Variants in CDC42BPA observed in about 807,000 individuals in gnomAD.
CDC42BPA encodes serine/threonine-protein kinase MRCK alpha.
CDC42BPA carries 80 observed loss-of-function variants against 223.5 expected under a neutral mutation model. That is an observed-to-expected ratio of 0.36 (90% CI 0.30 to 0.43). The LOEUF (loss-of-function observed/expected upper bound fraction) is 0.43. Ranked by LOEUF, CDC42BPA falls within the 20% of genes least tolerant of loss-of-function variation. The probability of loss-of-function intolerance (pLI) is 1.00; values close to 1 mark genes in which losing one functional copy is unlikely to be tolerated. For missense variants in CDC42BPA, 1,743 were observed against 2,099.9 expected, an observed-to-expected ratio of 0.83 and a Z score of 3.32; for synonymous variants, 694 against 718.6, an observed-to-expected ratio of 0.97 and a Z score of 0.55.
intron 5 of CDC42BPA, among the ~76,000 whole-genome samples, chr1:227,164,624 C>G (rs1664700672): frequency 6.6e-6 from 1 of 152,188 alleles, no homozygotes; most frequent in Admixed American, 6.5e-5. Flanking sequence ...CATGATCATG[C>G]CACTGCACTT....
intron 2 of CDC42BPA, 50 bp from the exon 3 acceptor site, chr1:227,213,269 T>C (rs1674252648): frequency 3.1e-6 from 3 of 979,546 alleles, no homozygotes; most frequent in Non-Finnish European, 4.6e-6. Flanking sequence ...CAAATAATTT[T>C]TTCAGCCATC....
At chr1:227,203,660 A>G (rs950379849) in intron 3 of CDC42BPA, among the ~76,000 whole-genome samples, 1 of 152,198 alleles carries the variant, frequency 6.6e-6, no homozygotes, top group African/African-American at 2.4e-5. Flanking sequence ...ACTGTAGATC[A>G]TATCACTTCC....
chr1:227,253,181 A>AAGAG, intron 2 of CDC42BPA, among the ~76,000 whole-genome samples: 1 of 151,474 alleles, frequency 6.6e-6, no homozygotes, highest in African/African-American at 2.4e-5. Context: ...TCCTGGAAAA[A>AAGAG]AGAGAGAGAG....
chr1:227,142,741 T>A (rs1659921277), intron 9 of CDC42BPA, among the ~76,000 whole-genome samples: 1 of 152,112 alleles, frequency 6.6e-6, no homozygotes, highest in Admixed American at 6.5e-5. Context: ...TGCCTCGGCC[T>A]CCCGAGTAGC....
In CDC42BPA at chr1:227,016,978, T is replaced by C; in HGVS notation, c.4688A>G (p.Lys1563Arg). 6.2e-7 allele frequency: 1 copy of C among 1,613,732 alleles called. No individual in the cohort carries two copies. The highest frequency in any genetic ancestry group is 8.5e-7 in the Non-Finnish European group (1 of 1,179,756). Residue 1563 changes from lysine (K) to arginine (R), a missense_variant, in exon 33 of 37, where the codon AAG (lysine) becomes AGG (arginine). By Grantham distance (26) the Lys-to-Arg change is conservative. This residue lies in a region of CDC42BPA where 44 missense variants were observed against 81.0 expected (regional missense o/e 0.54). Transcript: ENST00000366766. The stretch of plus-strand genomic sequence containing the variant: ...TGGGACTCTGAAGGAATAACGCCGC[T>C]TATTGTTAATGTTTCTAACCATTTG... ...RKQMVRNINN[K>R]RRYSFRVPEE...
chr1:227,051,120 CA>C (rs1413873678), intron 22 of CDC42BPA, among the ~76,000 whole-genome samples: 7 of 152,330 alleles, frequency 4.6e-5, no homozygotes, highest in African/African-American at 1.7e-4. Context: ...TACAACCTCA[CA>C]CTTCACTTCA....
intron 14 of CDC42BPA, among the ~76,000 whole-genome samples, chr1:227,108,914 A>C (rs1181196732): frequency 1.3e-5 from 2 of 152,148 alleles, no homozygotes; most frequent in Admixed American, 1.3e-4. Flanking sequence ...CCAGGTTACA[A>C]ACCTGTACAG....
At chr1:227,307,753 T>G (rs545735281) in intron 1 of CDC42BPA, among the ~76,000 whole-genome samples, 1 of 152,332 alleles carries the variant, frequency 6.6e-6, no homozygotes, top group East Asian at 1.9e-4. Flanking sequence ...CACAAATACA[T>G]TTACGGGTGC....
At chr1:227,075,126 A>G (rs1436967678) in intron 17 of CDC42BPA, among the ~76,000 whole-genome samples, 1 of 152,192 alleles carries the variant, frequency 6.6e-6, no homozygotes, top group East Asian at 1.9e-4. Flanking sequence ...AGGAAGAATG[A>G]AAACCACTGG....
At chr1:227,084,739 G>T (rs932472411) in intron 16 of CDC42BPA, among the ~76,000 whole-genome samples, 2 of 151,958 alleles carry the variant, frequency 1.3e-5, no homozygotes, top group African/African-American at 4.8e-5. Context: ...TCTATTTACA[G>T]GTTTTTAGGG....
At chr1:227,001,997 C>T (rs909638638) in intron 35 of CDC42BPA, among the ~76,000 whole-genome samples, 4 of 152,066 alleles carry the variant, frequency 2.6e-5, no homozygotes, top group Non-Finnish European at 4.4e-5. Flanking sequence ...TCCTGGAGGC[C>T]GATTTTAGGC....
chr1:227,052,345 T>C (rs17602169), intron 21 of CDC42BPA, among the ~76,000 whole-genome samples: 21,500 of 152,144 alleles, frequency 0.14, 1,911 homozygotes, highest in South Asian at 0.34. Flanking sequence ...TTAATAGAGA[T>C]ACATACGGCA....
intron 5 of CDC42BPA, among the ~76,000 whole-genome samples, chr1:227,181,707 A>AAT (rs1316630085): frequency 6.6e-6 from 1 of 152,192 alleles, no homozygotes; most frequent in Non-Finnish European, 1.5e-5. Flanking sequence ...AAATAGCTAG[A>AAT]ATATCAGGAA....
intron 4 of CDC42BPA, among the ~76,000 whole-genome samples, chr1:227,196,338 C>CTT (rs34352900): frequency 0.2 from 18,559 of 91,094 alleles, 3,526 homozygotes; most frequent in Middle Eastern, 0.27. Flanking sequence ...TTAAACAATA[C>CTT]TTTTTTTTTT....
At chr1:227,314,969 A>T (rs1387481978) in intron 1 of CDC42BPA, among the ~76,000 whole-genome samples, 2 of 152,160 alleles carry the variant, frequency 1.3e-5, no homozygotes, top group Middle Eastern at 3.4e-3. Context: ...CATATTGTTA[A>T]GTAATTAAAA....
chr1:227,114,555 T>G (rs1234428835), intron 12 of CDC42BPA, among the ~76,000 whole-genome samples: 1 of 151,686 alleles, frequency 6.6e-6, no homozygotes, highest in East Asian at 1.9e-4. Flanking sequence ...GTATATAAGA[T>G]TATACTATAA....
chr1:227,059,330 A>C, intron 21 of CDC42BPA: 1 of 1,520,094 alleles, frequency 6.6e-7, no homozygotes, highest in Non-Finnish European at 8.9e-7. Context: ...AGAGAGGGGT[A>C]AAAGGCCTCA....
rs75667708 is a variant in CDC42BPA at position 227,228,105 on chromosome 1, G to A, written c.271-14886C>T. 3.9e-5 allele frequency among the ~76,000 whole-genome samples: 6 copies of A among 151,906 alleles called. No individual in the cohort carries two copies. In the East Asian group the frequency reaches 1.2e-3, roughly 29 times the overall value. On this transcript the variant is annotated intron_variant, in intron 2 of 36. Transcript: ENST00000366766. ...AGGGAGGGGAACAACACACAGTGAG[G>A]CCTATGGGGTGGGGAGGTGGGGGCA...
chr1:227,287,986 G>T (rs1350463111), intron 1 of CDC42BPA, among the ~76,000 whole-genome samples: 5 of 152,308 alleles, frequency 3.3e-5, no homozygotes, highest in Non-Finnish European at 7.3e-5. Context: ...TTGGAAGTAT[G>T]TGCTTGGTTT....
Sources: gnomAD v4.1 joint callset for allele counts (sites outside exome capture counted in the v4.1 genomes callset) on GRCh38, gnomAD v4.1.1 for gene constraint, gnomAD v4.1.1 regional missense constraint, MANE v1.5 for transcripts, NCBI Gene and HGNC (gene_info 2026-07-23, HGNC 2026-07-21) for gene names.